CHST11: variants seen among roughly 807,000 people sequenced by gnomAD.
CHST11 encodes C4S-1.
In CHST11, 9 loss-of-function variants were observed where a neutral mutation model predicts 30.4. The observed-to-expected ratio is 0.30, with a 90% CI of 0.18 to 0.52. The LOEUF is 0.52. Among genes scored for constraint, CHST11 ranks in the 20% least tolerant of loss-of-function variants. The pLI is 0.97. For synonymous variants in CHST11, 152 were observed against 187.8 expected (o/e 0.81, Z 1.56); for missense variants, 348 against 460.6 (o/e 0.76, Z 2.24).
At chr12:104,487,672 A>G (rs949189555) in intron 1 of CHST11, among the ~76,000 whole-genome samples, 11 of 152,128 alleles carry the variant, frequency 7.2e-5, no homozygotes, top group Non-Finnish European at 1.3e-4. Context: ...AGCTGAACTT[A>G]GATTGCTGGC....
intron 1 of CHST11, among the ~76,000 whole-genome samples, chr12:104,550,499 A>G (rs1474555638): frequency 1.3e-5 from 2 of 152,180 alleles, no homozygotes; most frequent in African/African-American, 4.8e-5. Context: ...TCAGTTGTGC[A>G]GTTGTAGAGT....
chr12:104,698,540 AT>A, intron 2 of CHST11, among the ~76,000 whole-genome samples: 1 of 152,238 alleles, frequency 6.6e-6, no homozygotes, highest in African/African-American at 2.4e-5. Context: ...GTTCTCACCC[AT>A]CTCTGTAGTC....
At chr12:104,540,739 T>TACAA (rs1200810567) in intron 1 of CHST11, among the ~76,000 whole-genome samples, 15 of 151,708 alleles carry the variant, frequency 9.9e-5, no homozygotes, top group African/African-American at 3.6e-4. Flanking sequence ...CCAATCTCTC[T>TACAA]AATTACAAAA....
In CHST11 at chr12:104,757,856, G is replaced by A. The variant is rs968127434; in HGVS notation, c.*53G>A. The stretch of plus-strand genomic sequence containing the variant: ...GCTTTTTAATTTAAGATTTTTATTT[G>A]TCAAAAGAATTATATGGATATTGGG... On this transcript the variant is annotated 3_prime_UTR_variant, in exon 3 of 3. Coordinates refer to ENST00000303694, the MANE Select transcript of CHST11 (RefSeq NM_018413.6). This position sits in a 1 kb window ranked among gnomAD's most constrained non-coding sequence, Gnocchi z 6.5. 8.8e-5 allele frequency: 132 copies of A among 1,507,446 alleles called. No homozygotes were observed. Among genetic ancestry groups the A allele is most frequent in the Admixed American group, 7.5e-4 (36 of 48,306 alleles). The allele number at this position is 1,507,446 out of a possible 1,614,324, so 93.4% of individuals were successfully genotyped here. A position where few individuals can be genotyped will look rare whatever the true frequency, so the allele number is the denominator to read the frequency against.
chr12:104,635,769 C>T (rs182854685), intron 2 of CHST11, among the ~76,000 whole-genome samples: 28 of 152,224 alleles, frequency 1.8e-4, no homozygotes, highest in African/African-American at 5.5e-4. Flanking sequence ...AATGTTGGGG[C>T]GTGGTTGGTG....
At chr12:104,640,902 T>C (rs1308600389) in intron 2 of CHST11, among the ~76,000 whole-genome samples, 1 of 152,140 alleles carries the variant, frequency 6.6e-6, no homozygotes, top group African/African-American at 2.4e-5. Context: ...AAGTGAGACC[T>C]TACATCCCTG....
chr12:104,600,428 G>C lies in CHST11; in HGVS notation c.119-1478G>C, dbSNP rs1020354994. 3.9e-5 allele frequency among the ~76,000 whole-genome samples: 6 copies of C among 152,184 alleles called. No individual in the cohort carries two copies. The highest frequency in any genetic ancestry group is 8.8e-5 in the Non-Finnish European group (6 of 68,034). The stretch of plus-strand genomic sequence containing the variant: ...AGAAGTTCCCGCCTTCCTCCCAGGG[G>C]GATCTAAAATAGCTTCTGAAATTTG... On this transcript the variant is annotated intron_variant, in intron 1 of 2. Coordinates refer to ENST00000303694, the MANE Select transcript of CHST11 (RefSeq NM_018413.6). This position sits in a 1 kb window ranked among gnomAD's most constrained non-coding sequence, Gnocchi z 4.1.
chr12:104,681,793 C>G (rs977045516), intron 2 of CHST11, among the ~76,000 whole-genome samples: 1 of 148,472 alleles, frequency 6.7e-6, no homozygotes, highest in African/African-American at 2.5e-5. Context: ...TAGAAACACT[C>G]ATATACCTCT....
chr12:104,558,682 G>A (rs1023520695), intron 1 of CHST11, among the ~76,000 whole-genome samples: 1 of 151,824 alleles, frequency 6.6e-6, no homozygotes, highest in African/African-American at 2.4e-5. Context: ...GGGACTTCAG[G>A]TGTGTGCCAC....
chr12:104,585,090 G>A (rs71440862), intron 1 of CHST11, among the ~76,000 whole-genome samples: 2 of 152,198 alleles, frequency 1.3e-5, no homozygotes, highest in African/African-American at 4.8e-5. Context: ...TAGGGGTTTT[G>A]GTCCATGGAT....
rs559654213 is a variant in CHST11, at chr12:104,496,306, T to C, written c.118+38777T>C. Among the ~76,000 whole-genome samples, 12 of 152,358 alleles carry C rather than the reference T, an allele frequency of 7.9e-5. No individual in the cohort carries two copies. In the South Asian group the frequency reaches 2.3e-3, roughly 29 times the overall value. On this transcript the variant is annotated intron_variant, in intron 1 of 2. Transcript: ENST00000303694. ...CTGGAAAGCCATACATGTGCTATAATGCCTGTCAAATAAAAAATCAATGTG... is the reference window on the plus strand; with the variant it reads ...CTGGAAAGCCATACATGTGCTATAACGCCTGTCAAATAAAAAATCAATGTG...
intron 2 of CHST11, among the ~76,000 whole-genome samples, chr12:104,657,547 C>T (rs2039557008): frequency 6.6e-6 from 1 of 152,044 alleles, no homozygotes; most frequent in South Asian, 2.1e-4. Context: ...AGATCATTTG[C>T]AGGCCAGCCC....
chr12:104,724,068 A>G (rs2040198997), intron 2 of CHST11, among the ~76,000 whole-genome samples: 1 of 152,230 alleles, frequency 6.6e-6, no homozygotes, highest in South Asian at 2.1e-4. Context: ...TTTTAAAATA[A>G]TCACTTTAGC....
chr12:104,692,367 G>A (rs899281306), intron 2 of CHST11, among the ~76,000 whole-genome samples: 2 of 152,182 alleles, frequency 1.3e-5, no homozygotes, highest in Admixed American at 6.5e-5. Context: ...GGGATTTGGC[G>A]TGACCGGCAA....
At chr12:104,545,006 G>T (rs1227479988) in intron 1 of CHST11, among the ~76,000 whole-genome samples, 1 of 152,160 alleles carries the variant, frequency 6.6e-6, no homozygotes, top group Non-Finnish European at 1.5e-5. Flanking sequence ...AGGGAGGCAT[G>T]CAGGAATGGC....
chr12:104,736,127 C>T (rs530914115), intron 2 of CHST11, among the ~76,000 whole-genome samples: 60 of 152,280 alleles, frequency 3.9e-4, no homozygotes, highest in African/African-American at 1.4e-3. Context: ...TGGGACATTC[C>T]ATGGGCAATG....
chr12:104,476,111 AAATAAT>A (rs146903339), intron 1 of CHST11, among the ~76,000 whole-genome samples: 2 of 144,432 alleles, frequency 1.4e-5, no homozygotes. Context: ...ATATAAATAT[AAATAAT>A]AATATATAAT....
chr12:104,524,157 C>T (rs1236460492), intron 1 of CHST11, among the ~76,000 whole-genome samples: 1 of 151,762 alleles, frequency 6.6e-6, no homozygotes, highest in East Asian at 1.9e-4. Flanking sequence ...TGCTTCCCAC[C>T]ACAGTGACTC....
intron 2 of CHST11, among the ~76,000 whole-genome samples, chr12:104,711,656 C>T (rs746372446): frequency 1.3e-5 from 2 of 151,526 alleles, no homozygotes; most frequent in Non-Finnish European, 2.9e-5. Context: ...TTTAAAAGGG[C>T]CTGAGAGGGT....
Sources: allele counts gnomAD v4.1 joint callset (sites outside exome capture counted in the v4.1 genomes callset), GRCh38; gene constraint gnomAD v4.1.1; non-coding constraint Gnocchi (gnomAD v3.1); transcripts MANE v1.5; gene names NCBI Gene and HGNC (gene_info 2026-07-23, HGNC 2026-07-21).